NTN4: variants seen among roughly 807,000 people sequenced by gnomAD.
The protein encoded by NTN4 is netrin-4.
A neutral mutation model predicts 73.6 loss-of-function variants in NTN4; 32 were observed. The ratio of observed to expected loss-of-function variants is 0.44; its 90% confidence interval spans 0.33 to 0.58. The LOEUF (loss-of-function observed/expected upper bound fraction) is 0.58, where lower values mean the gene tolerates loss of function less well. Among genes scored for constraint, NTN4 ranks in the 20% least tolerant of loss-of-function variants. NTN4 has a pLI of 0.04. For synonymous variants in NTN4, 258 were observed against 287.5 expected, an observed-to-expected ratio of 0.90 and a Z score of 1.04; for missense variants, 654 against 798.3, an observed-to-expected ratio of 0.82 and a Z score of 2.18.
intron 3 of NTN4, among the ~76,000 whole-genome samples, chr12:95,727,668 T>G (rs2078704899): frequency 6.6e-6 from 1 of 152,200 alleles, no homozygotes; most frequent in South Asian, 2.1e-4. Context: ...ATGCCTATCC[T>G]TTGGCCAGTA....
chr12:95,681,219 T>C (rs186529863), intron 7 of NTN4, among the ~76,000 whole-genome samples: 1 of 145,472 alleles, frequency 6.9e-6, no homozygotes, highest in African/African-American at 2.6e-5. Context: ...AGAGTAGATA[T>C]CATGTGCATG....
chr12:95,784,253 A>G (rs1272696886), intron 2 of NTN4, among the ~76,000 whole-genome samples: 2 of 152,204 alleles, frequency 1.3e-5, no homozygotes, highest in Admixed American at 6.5e-5. Flanking sequence ...ATATTCTAAC[A>G]TGACAGGGGA....
chr12:95,680,000 A>T (rs2078303431), intron 7 of NTN4, among the ~76,000 whole-genome samples: 1 of 151,866 alleles, frequency 6.6e-6, no homozygotes, highest in Non-Finnish European at 1.5e-5. Context: ...CTCCTTCAGA[A>T]TTTTTTTCCC....
intron 2 of NTN4, among the ~76,000 whole-genome samples, chr12:95,750,985 A>G (rs901417456): frequency 1.1e-3 from 171 of 152,336 alleles, no homozygotes; most frequent in African/African-American, 3.8e-3. Context: ...ATCCCAAATC[A>G]GATAGCATTT....
intron 5 of NTN4, among the ~76,000 whole-genome samples, chr12:95,686,521 G>A (rs1042289469): frequency 9.9e-5 from 15 of 152,228 alleles, no homozygotes; most frequent in Admixed American, 2.0e-4. Flanking sequence ...CACGTTGGGC[G>A]GCTGAGGCGG....
chr12:95,702,580 A>G (rs1592674548), intron 5 of NTN4, among the ~76,000 whole-genome samples: 1 of 152,320 alleles, frequency 6.6e-6, no homozygotes, highest in East Asian at 1.9e-4. Flanking sequence ...AATAGTGACC[A>G]GAAAATAGTA....
intron 5 of NTN4, among the ~76,000 whole-genome samples, chr12:95,701,463 TC>T (rs1041757149): frequency 1.3e-5 from 2 of 152,054 alleles, no homozygotes; most frequent in African/African-American, 4.8e-5. Context: ...TTCAGTGATC[TC>T]CCCAGTCTTA....
In NTN4 at chr12:95,750,139, C is replaced by T. The variant is rs1404345983; in HGVS notation, c.586-11995G>A. Among the ~76,000 whole-genome samples, 5 of 151,798 alleles carry T rather than the reference C, an allele frequency of 3.3e-5. No individual in the cohort carries two copies. In the East Asian group the frequency reaches 5.8e-4, roughly 18 times the overall value. On this transcript the variant is annotated intron_variant, in intron 2 of 9. Transcript: ENST00000343702. ...CACGCCCCTACCTCTTATCTCTGCG[C>T]CCCAATCCCTTATTTCTGTGCCCCG...
chr12:95,759,195 A>C (rs541628520), intron 2 of NTN4, among the ~76,000 whole-genome samples: 1 of 151,862 alleles, frequency 6.6e-6, no homozygotes, highest in South Asian at 2.1e-4. Flanking sequence ...TTTATTTTTT[A>C]CTTGGGGTTT....
intron 7 of NTN4, chr12:95,673,155 AC>A: frequency 1.5e-6 from 1 of 677,614 alleles, no homozygotes; most frequent in Non-Finnish European, 2.5e-6. Context: ...CGCCACACTG[AC>A]CACATCTGTA....
intron 5 of NTN4, among the ~76,000 whole-genome samples, chr12:95,693,295 T>A (rs2078415592): frequency 6.6e-6 from 1 of 151,824 alleles, no homozygotes; most frequent in Admixed American, 6.6e-5. Context: ...TTTTTTTTTT[T>A]AAAGGAAACT....
intron 7 of NTN4, among the ~76,000 whole-genome samples, chr12:95,681,663 G>A (rs1282031920): frequency 6.6e-6 from 1 of 152,174 alleles, no homozygotes; most frequent in African/African-American, 2.4e-5. Flanking sequence ...ATAGAGGCAA[G>A]ATGAACACAG....
chr12:95,745,715 A>G (rs748017746), intron 2 of NTN4, among the ~76,000 whole-genome samples: 1 of 152,124 alleles, frequency 6.6e-6, no homozygotes, highest in Non-Finnish European at 1.5e-5. Context: ...GCTGCTAGGT[A>G]TCATGAATTT....
chr12:95,790,411 G>T lies in NTN4; in HGVS notation c.-102C>A. On this transcript the variant is annotated 5_prime_UTR_variant, in exon 1 of 10. Coordinates refer to ENST00000343702, the MANE Select transcript of NTN4 (RefSeq NM_021229.4). The surrounding 1 kb of genome is among the most constrained non-coding windows in gnomAD (Gnocchi z 6.5). ...GCCGCCGTCCTCGGGAGGGAACGGG[G>T]CCCTGGTTTCTTCCTCCTCCTGGGG... is the stretch of plus-strand genomic sequence containing the variant. 4.8e-6 allele frequency: 5 copies of T among 1,049,170 alleles called. No individual in the cohort carries two copies. The highest frequency in any genetic ancestry group is 5.2e-6 in the Non-Finnish European group (4 of 765,838). The allele number at this position is 1,049,170 out of a possible 1,614,324, so 65.0% of individuals were successfully genotyped here. A position where few individuals can be genotyped will look rare whatever the true frequency, so the allele number is the denominator to read the frequency against.
At chr12:95,750,872 A>G (rs1368385864) in intron 2 of NTN4, among the ~76,000 whole-genome samples, 1 of 152,146 alleles carries the variant, frequency 6.6e-6, no homozygotes, top group Admixed American at 6.6e-5. Context: ...TCCGGCTTAC[A>G]GTTTCCTTCC....
chr12:95,710,439 AC>A lies in NTN4; in HGVS notation c.1180+1del. 2 of 1,610,424 alleles carry A rather than the reference AC, an allele frequency of 1.2e-6. No individual in the cohort carries two copies. The highest frequency in any genetic ancestry group is 1.7e-6 in the Non-Finnish European group (2 of 1,177,786). On this transcript the variant is annotated splice_donor_variant, in intron 5 of 9. Transcript: ENST00000343702. LOFTEE classifies it high-confidence loss of function. ...ATTTTCTGGAAACCACAGGTTACTT[AC>A]GTTTGCAAGCATCTGGAGCTGAGAA...
intron 5 of NTN4, among the ~76,000 whole-genome samples, chr12:95,687,020 C>T (rs2078366135): frequency 6.6e-6 from 1 of 152,224 alleles, no homozygotes; most frequent in African/African-American, 2.4e-5. Flanking sequence ...TGCCTCAGTG[C>T]TCCTGGCCCT....
rs191986458 is a variant in NTN4, at chr12:95,760,315, A to G, written c.586-22171T>C. ...TCATAGGAATACTAAGAATGGTTCA[A>G]CTACTACTTTCTGACAGTTCTTTCT... On this transcript the variant is annotated intron_variant, in intron 2 of 9. Coordinates refer to ENST00000343702, the MANE Select transcript of NTN4 (RefSeq NM_021229.4). Among the ~76,000 whole-genome samples, 288 of 152,352 alleles carry G rather than the reference A, an allele frequency of 1.9e-3. 2 individuals carry two copies. The highest frequency in any genetic ancestry group is 6.5e-3 in the African/African-American group (269 of 41,584).
chr12:95,718,372 G>A (rs1411154980), intron 3 of NTN4, among the ~76,000 whole-genome samples: 7 of 152,126 alleles, frequency 4.6e-5, no homozygotes. Context: ...AGGAGGTTGT[G>A]GGAAGCTGTT....
Sources: allele counts gnomAD v4.1 joint callset (sites outside exome capture counted in the v4.1 genomes callset), GRCh38; gene constraint gnomAD v4.1.1; non-coding constraint Gnocchi (gnomAD v3.1); transcripts MANE v1.5; gene names NCBI Gene and HGNC (gene_info 2026-07-23, HGNC 2026-07-21).